Variants in ANKRD6 observed in about 807,000 individuals in gnomAD.
ANKRD6 encodes the protein ankyrin repeat domain-containing protein 6.
Under a neutral mutation model 82.3 loss-of-function variants are expected in ANKRD6, and 56 were observed. The ratio of observed to expected loss-of-function variants is 0.68; its 90% CI spans 0.55 to 0.85. ANKRD6 has a LOEUF of 0.85. ANKRD6 is among the 40% of genes least tolerant of loss of function. ANKRD6 has a pLI of 0.00. For missense variants in ANKRD6, 852 were observed against 907.6 expected (o/e 0.94, Z 0.79); for synonymous variants, 347 against 352.1 (o/e 0.99, Z 0.16).
intron 1 of ANKRD6, among the ~76,000 whole-genome samples, chr6:89,473,135 G>A (rs1775664484): frequency 6.6e-6 from 1 of 152,104 alleles, no homozygotes; most frequent in South Asian, 2.1e-4. Flanking sequence ...ATTTGGCCAG[G>A]AGCAGTGGCT....
intron 1 of ANKRD6, among the ~76,000 whole-genome samples, chr6:89,504,466 C>A (rs763485523): frequency 5.3e-5 from 8 of 152,048 alleles, no homozygotes; most frequent in African/African-American, 1.2e-4. Context: ...TGCAGTGGCA[C>A]GATCATAGCT....
chr6:89,444,296 G>C (rs1771787647), intron 1 of ANKRD6, among the ~76,000 whole-genome samples: 1 of 152,164 alleles, frequency 6.6e-6, no homozygotes, highest in African/African-American at 2.4e-5. Flanking sequence ...GAGAGTGGCA[G>C]ATCAGTAATG....
intron 1 of ANKRD6, among the ~76,000 whole-genome samples, chr6:89,438,799 T>C (rs1418699609): frequency 6.6e-6 from 1 of 152,116 alleles, no homozygotes; most frequent in East Asian, 1.9e-4. Flanking sequence ...GCCACCACTG[T>C]GCCTGGCTAA....
rs925938008 is a variant in ANKRD6, at chr6:89,459,038, T to C, written c.-144+25663T>C. Among the ~76,000 whole-genome samples the C allele has an allele frequency of 5.3e-5, 8 of 152,278 alleles. 1 individual carries two copies. Among genetic ancestry groups the C allele is most frequent in the South Asian group, 4.1e-4 (2 of 4,828 alleles). On this transcript the variant is annotated intron_variant, in intron 1 of 15. Transcript: ENST00000339746. ...GTATAGGCGCTTCGTGTCCTGTTGGTTCAGAGTTCACCTTTTTTTTGTCTT... is the reference window on the plus strand; with the variant it reads ...GTATAGGCGCTTCGTGTCCTGTTGGCTCAGAGTTCACCTTTTTTTTGTCTT...
intron 1 of ANKRD6, among the ~76,000 whole-genome samples, chr6:89,496,193 A>T (rs1386671871): frequency 2.1e-5 from 3 of 142,874 alleles, no homozygotes; most frequent in Non-Finnish European, 4.6e-5. Flanking sequence ...CCCCCACCAT[A>T]ATTAAAGTAC....
Position 89,630,938 on chromosome 6 carries a change from G to C in ANKRD6, c.2118G>C (p.Lys706Asn). Residue 706 changes from lysine (K) to asparagine (N), a missense_variant, in exon 16 of 16, where the codon AAG becomes AAC. Coordinates refer to ENST00000339746, the MANE Select transcript of ANKRD6 (RefSeq NM_001242809.2). ...QKAQQDKATL[K>N]EHIKSLEEEL... ...CCCAGCAAGATAAGGCTACATTGAAGGAACACATTAAAAGTTTAGAAGAGG... is the reference window on the plus strand; with the variant it reads ...CCCAGCAAGATAAGGCTACATTGAACGAACACATTAAAAGTTTAGAAGAGG... 1 of 1,605,618 alleles carries C rather than the reference G, an allele frequency of 6.2e-7. No individual in the cohort carries two copies. Among genetic ancestry groups the C allele is most frequent in the Non-Finnish European group, 8.5e-7 (1 of 1,175,912 alleles).
At chr6:89,508,604 G>A (rs964370586) in intron 1 of ANKRD6, among the ~76,000 whole-genome samples, 10 of 152,090 alleles carry the variant, frequency 6.6e-5, no homozygotes, top group Non-Finnish European at 1.2e-4. Flanking sequence ...CTAAAGGGAG[G>A]GTGCCTCAGC....
chr6:89,481,414 A>T (rs1289069006), intron 1 of ANKRD6, among the ~76,000 whole-genome samples: 4 of 152,186 alleles, frequency 2.6e-5, no homozygotes, highest in Admixed American at 1.3e-4. Flanking sequence ...GGATTTTGGG[A>T]TTTGATATGT....
chr6:89,496,239 AAT>A (rs1265198723), intron 1 of ANKRD6, among the ~76,000 whole-genome samples: 2 of 150,706 alleles, frequency 1.3e-5, no homozygotes, highest in Non-Finnish European at 3.0e-5. Flanking sequence ...TGTTTGAATG[AAT>A]AACAGAACAG....
At chr6:89,612,687 C>T (rs188195056) in intron 6 of ANKRD6, among the ~76,000 whole-genome samples, 2 of 152,314 alleles carry the variant, frequency 1.3e-5, no homozygotes, top group East Asian at 3.9e-4. Flanking sequence ...AAGAAAGTCT[C>T]TACCCACATA....
At chr6:89,571,493 G>A (rs559835437) in intron 2 of ANKRD6, among the ~76,000 whole-genome samples, 19 of 152,080 alleles carry the variant, frequency 1.2e-4, no homozygotes, top group African/African-American at 4.1e-4. Flanking sequence ...GTTTAATCTG[G>A]TTATTTGATT....
intron 1 of ANKRD6, among the ~76,000 whole-genome samples, chr6:89,492,492 T>G (rs2127846789): frequency 6.6e-6 from 1 of 152,326 alleles, no homozygotes; most frequent in Non-Finnish European, 1.5e-5. Context: ...CTCCCTGATA[T>G]GTAAATGCTC....
chr6:89,480,295 T>A (rs2127806182), intron 1 of ANKRD6, among the ~76,000 whole-genome samples: 1 of 152,350 alleles, frequency 6.6e-6, no homozygotes, highest in South Asian at 2.1e-4. Context: ...ATCCCATTTA[T>A]GTTGGCAGCA....
At chr6:89,558,957 CAG>C (rs1459708873) in intron 1 of ANKRD6, among the ~76,000 whole-genome samples, 2 of 152,038 alleles carry the variant, frequency 1.3e-5, no homozygotes, top group South Asian at 2.1e-4. Flanking sequence ...AAGGAGGAAA[CAG>C]GGCAGGAAGA....
chr6:89,490,541 A>T (rs917132887), intron 1 of ANKRD6, among the ~76,000 whole-genome samples: 2 of 152,174 alleles, frequency 1.3e-5, no homozygotes, highest in African/African-American at 4.8e-5. Flanking sequence ...TGCCCTGGAG[A>T]TGCTCAGATG....
At chr6:89,504,444 C>T (rs750279112) in intron 1 of ANKRD6, among the ~76,000 whole-genome samples, 24 of 152,074 alleles carry the variant, frequency 1.6e-4, no homozygotes, top group Non-Finnish European at 3.2e-4. Flanking sequence ...CGCTCGGTTG[C>T]CCAGGCTGGA....
intron 2 of ANKRD6, among the ~76,000 whole-genome samples, chr6:89,585,351 A>G (rs1159963686): frequency 6.6e-6 from 1 of 152,254 alleles, no homozygotes; most frequent in Non-Finnish European, 1.5e-5. Context: ...TCTAGCCACC[A>G]CAGTAAGGCA....
intron 1 of ANKRD6, among the ~76,000 whole-genome samples, chr6:89,525,167 A>G (rs1782321709): frequency 6.6e-6 from 1 of 151,604 alleles, no homozygotes; most frequent in Non-Finnish European, 1.5e-5. Flanking sequence ...GGTGGCACAC[A>G]CCTCTAGTCC....
intron 1 of ANKRD6, among the ~76,000 whole-genome samples, chr6:89,519,248 A>T (rs1474786519): frequency 6.6e-6 from 1 of 152,234 alleles, no homozygotes; most frequent in African/African-American, 2.4e-5. Flanking sequence ...TGAGAATATC[A>T]TCCTGGTCAT....
Sources: gnomAD v4.1 joint callset for allele counts (sites outside exome capture counted in the v4.1 genomes callset) on GRCh38, gnomAD v4.1.1 for gene constraint, MANE v1.5 for transcripts, NCBI Gene and HGNC (gene_info 2026-07-23, HGNC 2026-07-21) for gene names.